The following SEMA4D variants were observed in gnomAD, a reference collection of about 807,000 sequenced individuals.
The protein encoded by SEMA4D is semaphorin-4D.
A neutral mutation model predicts 74.8 loss-of-function variants in SEMA4D; 22 were observed. The observed-to-expected ratio is 0.29, with a 90% CI of 0.21 to 0.42. The LOEUF (loss-of-function observed/expected upper bound fraction) is 0.42, where lower values mean the gene tolerates loss of function less well. SEMA4D is among the 10% of genes least tolerant of loss of function. The pLI is 1.00. For missense variants in SEMA4D, 937 were observed against 1,118.4 expected (o/e 0.84, Z 2.31); for synonymous variants, 445 against 463.7 (o/e 0.96, Z 0.52).
chr9:89,381,095 A>C lies in SEMA4D; in HGVS notation c.1623T>G (p.Gly541=). 1 of 1,613,818 alleles carries C rather than the reference A, an allele frequency of 6.2e-7. No individual in the cohort carries two copies. Among genetic ancestry groups the C allele is most frequent in the Non-Finnish European group, 8.5e-7 (1 of 1,179,954 alleles). ...ALHQTESPSR[G]LIQEMSGDAS... is the part of the protein sequence containing the mutation. ...CATCGCCGCTCATCTCCTGAATCAA[A>C]CCCCTGCAAAACAACCGGCACGTGT... Residue 541 remains glycine (G), a synonymous_variant, in exon 15 of 16, where the codon GGT becomes GGG. Transcript: ENST00000422704. This position sits in a 1 kb window ranked among gnomAD's most constrained non-coding sequence, Gnocchi z 4.6.
chr9:89,457,773 C>T (rs933536895), intron 1 of SEMA4D, among the ~76,000 whole-genome samples: 28 of 151,808 alleles, frequency 1.8e-4, no homozygotes, highest in Non-Finnish European at 5.9e-5. Context: ...GTGGCTCATG[C>T]CTGTAATCCC....
At chr9:89,479,356 C>G (rs964547616) in intron 1 of SEMA4D, among the ~76,000 whole-genome samples, 6 of 152,238 alleles carry the variant, frequency 3.9e-5, no homozygotes, top group African/African-American at 1.4e-4. Context: ...CAGCTTTTCG[C>G]CCAGCTCAGC....
chr9:89,391,283 C>T lies in SEMA4D; in HGVS notation c.755G>A (p.Arg252Gln), dbSNP rs1287280571. Reference protein sequence around the residue: ...YEFVFRVLIPRIARVCKGDQG... With the variant: ...YEFVFRVLIPQIARVCKGDQG... Reference sequence around the variant, plus strand: ...ACTCACCTTGCACACTCTTGCTATCCGTGGGATCAGCACCCTGAACACAAA... The same window carrying T: ...ACTCACCTTGCACACTCTTGCTATCTGTGGGATCAGCACCCTGAACACAAA... The change falls in exon 9 of 16, where the codon CGG (arginine) becomes CAG (glutamine). Residue 252 changes from arginine to glutamine, a missense_variant. By Grantham distance (43) the Arg-to-Gln change is conservative. Coordinates refer to ENST00000422704, the MANE Select transcript of SEMA4D (RefSeq NM_001371194.2). 3 of 1,614,216 alleles carry T rather than the reference C, an allele frequency of 1.9e-6. No individual in the cohort carries two copies. Among genetic ancestry groups the T allele is most frequent in the Non-Finnish European group, 2.5e-6 (3 of 1,180,024 alleles).
intron 2 of SEMA4D, among the ~76,000 whole-genome samples, chr9:89,435,756 A>G (rs1850253913): frequency 6.6e-6 from 1 of 152,156 alleles, no homozygotes; most frequent in African/African-American, 2.4e-5. Context: ...GCTCCTGGAC[A>G]ACCTGGTCTG....
In SEMA4D at chr9:89,391,270, C is replaced by A. The variant is rs770454740; in HGVS notation, c.768G>T (p.Val256=). Residue 256 remains valine (V), a synonymous_variant, in exon 9 of 16, where the codon GTG becomes GTT. Coordinates refer to ENST00000422704, the MANE Select transcript of SEMA4D (RefSeq NM_001371194.2). ...CAGAGTGCCTGGCACTCACCTTGCA[C>A]ACTCTTGCTATCCGTGGGATCAGCA... ...FRVLIPRIAR[V]CKGDQGGLRT... The A allele has an allele frequency of 4.3e-6, 7 of 1,613,986 alleles. No individual in the cohort carries two copies. In the South Asian group the frequency reaches 7.7e-5, roughly 18 times the overall value.
At chr9:89,384,620 T>C (rs1312493207) in intron 13 of SEMA4D, 16 of 975,310 alleles carry the variant, frequency 1.6e-5, no homozygotes, top group Non-Finnish European at 1.7e-5. Flanking sequence ...CAATGAAAAA[T>C]GGTTAAGACG....
chr9:89,481,998 G>A (rs543774002), intron 1 of SEMA4D, among the ~76,000 whole-genome samples: 5 of 152,332 alleles, frequency 3.3e-5, no homozygotes, highest in African/African-American at 7.2e-5. Flanking sequence ...GCTTCCTGTC[G>A]ATGACCTTCC....
In SEMA4D at chr9:89,388,809, G is replaced by C. The variant is rs926823067; in HGVS notation, c.951-17C>G. On this transcript the variant is annotated splice_polypyrimidine_tract_variant and intron_variant, in intron 10 of 15. Transcript: ENST00000422704. ...ACGTTGTTCCTGGGGAGGGGAAAGA[G>C]GTGACGGGACCACCTGGCGGCATCA... 1 of 1,606,130 alleles carries C rather than the reference G, an allele frequency of 6.2e-7. No homozygotes were observed. Among genetic ancestry groups the C allele is most frequent in the African/African-American group, 1.3e-5 (1 of 74,884 alleles).
At chr9:89,495,223 C>A (rs1825916910) in intron 1 of SEMA4D, among the ~76,000 whole-genome samples, 1 of 152,146 alleles carries the variant, frequency 6.6e-6, no homozygotes, top group Non-Finnish European at 1.5e-5. Context: ...AAAGCTGGGG[C>A]CCCTGCTGTG....
intron 2 of SEMA4D, among the ~76,000 whole-genome samples, chr9:89,432,578 T>C (rs1266531696): frequency 2.0e-5 from 3 of 152,130 alleles, no homozygotes; most frequent in Admixed American, 6.5e-5. Context: ...AGGCCCTCAA[T>C]GATAAAAACA....
At chr9:89,403,064 T>G in intron 3 of SEMA4D, 48 bp from the exon 4 acceptor site, 1 of 1,585,366 alleles carries the variant, frequency 6.3e-7, no homozygotes, top group South Asian at 1.1e-5. Context: ...AAAAGAGCGA[T>G]GGAAGCATTT....
At chr9:89,396,053 C>T (rs1481405579) in intron 6 of SEMA4D, among the ~76,000 whole-genome samples, 2 of 152,168 alleles carry the variant, frequency 1.3e-5, no homozygotes, top group Non-Finnish European at 2.9e-5. Flanking sequence ...AAAGGACCGT[C>T]ACACAGGGGG....
In SEMA4D at chr9:89,388,720, C is replaced by T. The variant is rs765224921; in HGVS notation, c.1023G>A (p.Lys341=). The change falls in exon 11 of 16, where the codon AAG becomes AAA. Residue 341 remains lysine, a synonymous_variant. Coordinates refer to ENST00000422704, the MANE Select transcript of SEMA4D (RefSeq NM_001371194.2). ...GCTCCACTGTGGTGCTCTGCATGTA[C>T]TTCCCGTGGGAGAAGACCTCCTCGG... ...STAEEVFSHG[K]YMQSTTVEQS... 1.9e-6 allele frequency: 3 copies of T among 1,610,748 alleles called. No individual in the cohort carries two copies. Among genetic ancestry groups the T allele is most frequent in the African/African-American group, 1.3e-5 (1 of 74,880 alleles).
At chr9:89,471,658 A>G (rs552665729) in intron 1 of SEMA4D, among the ~76,000 whole-genome samples, 57 of 152,036 alleles carry the variant, frequency 3.7e-4, no homozygotes, top group African/African-American at 1.3e-3. Flanking sequence ...GCTCAGGTGC[A>G]CACCAACTCA....
In SEMA4D at chr9:89,438,964, CTTTTTTTT is replaced by C. The variant is rs57394947; in HGVS notation, c.-244+16916_-244+16923del. On this transcript the variant is annotated intron_variant, in intron 2 of 15. Coordinates refer to ENST00000422704, the MANE Select transcript of SEMA4D (RefSeq NM_001371194.2). ...ATAGGTGTGAGCCACCGCACCGGGC[CTTTTTTTT>C]TTTTTTTTTTTTTTTTTTTTTTTTT... Among the ~76,000 whole-genome samples, 152 of 38,192 alleles carry C rather than the reference CTTTTTTTT, an allele frequency of 4.0e-3. 1 individual carries two copies. Among genetic ancestry groups the C allele is most frequent in the African/African-American group, 6.7e-3 (58 of 8,598 alleles). 25.1% of individuals were successfully genotyped at this position (38,192 alleles called of 152,430 possible).
intron 2 of SEMA4D, among the ~76,000 whole-genome samples, chr9:89,415,959 A>G (rs1845621824): frequency 2.0e-5 from 3 of 152,162 alleles, no homozygotes; most frequent in Admixed American, 6.5e-5. Flanking sequence ...AAATTACATA[A>G]AAGACATTAT....
chr9:89,396,672 G>A, intron 6 of SEMA4D, 65 bp downstream of exon 6: 1 of 1,315,986 alleles, frequency 7.6e-7, no homozygotes, highest in South Asian at 1.2e-5. Flanking sequence ...TCTGCTTTGA[G>A]CCCCCTTCTA....
At position 89,492,575 on chromosome 9, in the gene SEMA4D, C is replaced by T. The variant is rs1196197215; in HGVS notation, c.-310+5344G>A. 6.6e-6 allele frequency among the ~76,000 whole-genome samples: 1 copy of T among 152,174 alleles called. No individual in the cohort carries two copies. The highest frequency in any genetic ancestry group is 6.5e-5 in the Admixed American group (1 of 15,272). On this transcript the variant is annotated intron_variant, in intron 1 of 15. Coordinates refer to ENST00000422704, the MANE Select transcript of SEMA4D (RefSeq NM_001371194.2). This position sits in a 1 kb window ranked among gnomAD's most constrained non-coding sequence, Gnocchi z 4.3. ...CTCACCTGTACTATCTTGAGAGCCA[C>T]ACCATCCCTCTGAATCCTCACAACT... is the stretch of plus-strand genomic sequence containing the variant.
At chr9:89,475,740 A>G (rs1861578627) in intron 1 of SEMA4D, among the ~76,000 whole-genome samples, 1 of 152,238 alleles carries the variant, frequency 6.6e-6, no homozygotes, top group East Asian at 1.9e-4. Context: ...CACAGGTCTG[A>G]TAAGAGCACG....
Sources: allele counts gnomAD v4.1 joint callset (sites outside exome capture counted in the v4.1 genomes callset), GRCh38; gene constraint gnomAD v4.1.1; non-coding constraint Gnocchi (gnomAD v3.1); transcripts MANE v1.5; gene names NCBI Gene and HGNC (gene_info 2026-07-23, HGNC 2026-07-21).